ZNF487: variants seen among roughly 807,000 people sequenced by gnomAD.
The protein encoded by ZNF487 is zinc finger protein 487.
A neutral mutation model predicts 3.0 loss-of-function variants in ZNF487; 4 were observed. The ratio of observed to expected loss-of-function variants is 1.35; its 90% CI spans 0.66 to 3.08. The LOEUF (loss-of-function observed/expected upper bound fraction) is 3.08. Among genes scored for constraint, ZNF487 ranks in the 30% most tolerant of loss-of-function variants. ZNF487 has a pLI of 0.01. For synonymous variants in ZNF487, 55 were observed against 34.6 expected (o/e 1.59, Z -2.06); for missense variants, 146 against 98.7 (o/e 1.48, Z -2.03).
the ZNF487 span, among the ~76,000 whole-genome samples, chr10:43,493,764 A>G: frequency 1.6e-4 from 24 of 146,506 alleles, no homozygotes; most frequent in East Asian, 2.9e-3. Context: ...CTGTGATGAA[A>G]TATTCCAGCT....
chr10:43,437,109 C>T (rs1438789854), upstream of ZNF487: 5 of 303,380 alleles, frequency 1.6e-5, no homozygotes, highest in Non-Finnish European at 3.2e-5. Context: ...GCGGCCCCGC[C>T]CAGGGAGCGC....
rs1178099237 is a variant in ZNF487, at chr10:43,465,327, C to T, written c.-93-10394C>T. ...CCTCCCGGACCGGGTGGCTGCCGGG[C>T]GGAGACGCTCCTCACTTCCCAGACG... On this transcript the variant is annotated intron_variant, in intron 1 of 3. Coordinates refer to ENST00000437590, the MANE Select transcript of ZNF487 (RefSeq NM_001355444.3). 6.6e-5 allele frequency among the ~76,000 whole-genome samples: 10 copies of T among 151,372 alleles called. No homozygotes were observed. In the East Asian group the frequency reaches 9.9e-4, roughly 15 times the overall value.
chr10:43,474,488 C>T (rs957869395), intron 1 of ZNF487, among the ~76,000 whole-genome samples: 1 of 151,832 alleles, frequency 6.6e-6, no homozygotes, highest in Non-Finnish European at 1.5e-5. Context: ...TTGCTTGAAC[C>T]CAGGAATTTG....
intron 1 of ZNF487, among the ~76,000 whole-genome samples, chr10:43,440,388 G>A (rs1839553390): frequency 6.6e-6 from 1 of 151,632 alleles, no homozygotes; most frequent in Non-Finnish European, 1.5e-5. Context: ...CGGGCACAGT[G>A]GCTCACACCT....
the ZNF487 span, among the ~76,000 whole-genome samples, chr10:43,492,931 G>A: frequency 6.6e-6 from 1 of 152,068 alleles, no homozygotes; most frequent in African/African-American, 2.4e-5. Flanking sequence ...TTGTACATTA[G>A]AACTCTAAAG....
At chr10:43,464,664 T>A (rs1418660447) in intron 1 of ZNF487, among the ~76,000 whole-genome samples, 1 of 152,206 alleles carries the variant, frequency 6.6e-6, no homozygotes, top group East Asian at 1.9e-4. Flanking sequence ...ACACAGCACA[T>A]GTTTCAGAGA....
downstream of ZNF487, among the ~76,000 whole-genome samples, chr10:43,486,598 C>T (rs1290327228): frequency 6.6e-6 from 1 of 151,404 alleles, no homozygotes; most frequent in Non-Finnish European, 1.5e-5. Flanking sequence ...TTGGCAAAAG[C>T]AATTAAAAGG....
At chr10:43,452,978 T>C (rs918951327) in intron 1 of ZNF487, 2 of 151,980 alleles carry the variant, frequency 1.3e-5, no homozygotes, top group African/African-American at 4.8e-5. Flanking sequence ...CCAAATACTC[T>C]CCACTGAATG....
intron 1 of ZNF487, among the ~76,000 whole-genome samples, chr10:43,449,133 T>C (rs2132054231): frequency 6.6e-6 from 1 of 152,104 alleles, no homozygotes; most frequent in South Asian, 2.1e-4. Flanking sequence ...ACCCTGTCTC[T>C]ACTGAAATAC....
Position 43,437,558 on chromosome 10 carries a change from G to C in ZNF487, c.-94+296G>C, listed in dbSNP as rs560212479. 3.9e-5 allele frequency among the ~76,000 whole-genome samples: 6 copies of C among 152,212 alleles called. No individual in the cohort carries two copies. The South Asian group carries it at 1.2e-3, about 32-fold the overall frequency. ...GACCCTGGACCTAGGAGGCATGAGA[G>C]GTCTACACACACTTGCAAGGATACC... On this transcript the variant is annotated intron_variant, in intron 1 of 3. Transcript: ENST00000437590.
intron 3 of ZNF487, among the ~76,000 whole-genome samples, chr10:43,479,085 G>A (rs1841211733): frequency 7.5e-6 from 1 of 133,194 alleles, no homozygotes; most frequent in African/African-American, 2.7e-5. Flanking sequence ...ATGTATGTGT[G>A]TATATATATA....
the ZNF487 span, among the ~76,000 whole-genome samples, chr10:43,508,385 A>G: frequency 6.6e-6 from 1 of 152,386 alleles, no homozygotes; most frequent in East Asian, 1.9e-4. Context: ...AAGATACCAC[A>G]TGGTCATAGC....
At chr10:43,465,018 CCGGA>C (rs1276304885) in intron 1 of ZNF487, among the ~76,000 whole-genome samples, 45 of 140,124 alleles carry the variant, frequency 3.2e-4, no homozygotes, top group African/African-American at 1.3e-3. Context: ...CACCTCCCTC[CCGGA>C]CGGGGCGGCT....
At chr10:43,459,767 GTTTATT>G (rs1458535547) in intron 1 of ZNF487, among the ~76,000 whole-genome samples, 4 of 120,052 alleles carry the variant, frequency 3.3e-5, no homozygotes, top group Non-Finnish European at 7.2e-5. Context: ...CAGGCTGTGA[GTTTATT>G]ATTATTATTA....
chr10:43,502,373 G>T, the ZNF487 span, among the ~76,000 whole-genome samples: 1 of 151,990 alleles, frequency 6.6e-6, no homozygotes. Flanking sequence ...CACACACTGG[G>T]GCCTGTCGTG....
At chr10:43,455,518 C>A (rs1163997860) in intron 1 of ZNF487, among the ~76,000 whole-genome samples, 1 of 152,238 alleles carries the variant, frequency 6.6e-6, no homozygotes, top group Non-Finnish European at 1.5e-5. Flanking sequence ...TGTCCACGTC[C>A]GGGTCAACGC....
Position 43,460,053 on chromosome 10 carries a change from T to C in ZNF487, c.-93-15668T>C, listed in dbSNP as rs56305563. 6.1e-3 allele frequency among the ~76,000 whole-genome samples: 926 copies of C among 151,874 alleles called. 9 individuals carry two copies. The highest frequency in any genetic ancestry group is 0.018 in the African/African-American group (735 of 41,482). On this transcript the variant is annotated intron_variant, in intron 1 of 3. Transcript: ENST00000437590. ...TCCTGACCTCATGATCTGCCCGCCT[T>C]GGCCTCCCAAAGTACTGGGATTATA...
the ZNF487 span, among the ~76,000 whole-genome samples, chr10:43,520,846 T>C: frequency 3.9e-5 from 6 of 152,144 alleles, no homozygotes; most frequent in African/African-American, 1.4e-4. Context: ...ATGGTTTGGA[T>C]TGTGGACAGC....
chr10:43,494,765 C>CAA, the ZNF487 span, among the ~76,000 whole-genome samples: 2,229 of 35,706 alleles, frequency 0.062, 204 homozygotes, highest in African/African-American at 0.18. Context: ...ACTAAAAATA[C>CAA]AAAAAAAAAA....
Sources: allele counts gnomAD v4.1 joint callset (sites outside exome capture counted in the v4.1 genomes callset), GRCh38; gene constraint gnomAD v4.1.1; transcripts MANE v1.5; gene names NCBI Gene and HGNC (gene_info 2026-07-23, HGNC 2026-07-21).